KCNIP4: variants seen among roughly 807,000 people sequenced by gnomAD.
KCNIP4 encodes potassium voltage-gated channel interacting protein 4, also known as Kv channel-interacting protein 4.
KCNIP4 carries 12 observed loss-of-function variants against 34.0 expected under a neutral mutation model. The ratio of observed to expected loss-of-function variants is 0.35; its 90% CI spans 0.23 to 0.57. The LOEUF (loss-of-function observed/expected upper bound fraction) is 0.57, where lower values mean the gene tolerates loss of function less well. KCNIP4 is among the 20% of genes least tolerant of loss of function. The pLI is 0.83. For synonymous variants in KCNIP4, 124 were observed against 102.2 expected, an observed-to-expected ratio of 1.21 and a Z score of -1.29; for missense variants, 238 against 311.7, an observed-to-expected ratio of 0.76 and a Z score of 1.78.
At chr4:21,450,848 T>C (rs532444021) in intron 1 of KCNIP4, among the ~76,000 whole-genome samples, 2 of 152,244 alleles carry the variant, frequency 1.3e-5, no homozygotes, top group African/African-American at 4.8e-5. Flanking sequence ...CTTACAAATG[T>C]AAGTTATTTT....
intron 1 of KCNIP4, among the ~76,000 whole-genome samples, chr4:21,118,266 A>G (rs1288006904): frequency 1.3e-5 from 2 of 152,182 alleles, no homozygotes; most frequent in Non-Finnish European, 2.9e-5. Context: ...CAAACGGTCC[A>G]GGAAGCCAAA....
chr4:21,305,822 C>T (rs988444884), intron 1 of KCNIP4, among the ~76,000 whole-genome samples: 2 of 152,320 alleles, frequency 1.3e-5, no homozygotes, highest in East Asian at 1.9e-4. Context: ...CTGTCAAGCT[C>T]TTAAAACTCT....
intron 1 of KCNIP4, among the ~76,000 whole-genome samples, chr4:21,643,440 A>AT (rs1405459111): frequency 2.0e-5 from 3 of 152,148 alleles, no homozygotes; most frequent in Admixed American, 6.6e-5. Flanking sequence ...TTGGAGATTA[A>AT]TTTTGGTTTA....
At chr4:21,399,032 G>A (rs572490661) in intron 1 of KCNIP4, among the ~76,000 whole-genome samples, 2 of 152,354 alleles carry the variant, frequency 1.3e-5, no homozygotes, top group Non-Finnish European at 2.9e-5. Context: ...AACACATAGT[G>A]TGGCAAAAGG....
rs115355779 is a variant in KCNIP4, at chr4:21,707,779, T to C, written c.61+240792A>G. ...TGGATTCTGTGTCAGCATCCAGGAC[T>C]TCAAAAAAGGAAAGGTTGAGGGGTC... On this transcript the variant is annotated intron_variant, in intron 1 of 8. Coordinates refer to ENST00000382152, the MANE Select transcript of KCNIP4 (RefSeq NM_025221.6). Among the ~76,000 whole-genome samples, 1,346 of 152,124 alleles carry C rather than the reference T, an allele frequency of 8.8e-3. 19 individuals are homozygous for C. Among genetic ancestry groups the C allele is most frequent in the African/African-American group, 0.031 (1,286 of 41,524 alleles).
intron 1 of KCNIP4, among the ~76,000 whole-genome samples, chr4:21,106,044 G>T (rs1240631423): frequency 6.6e-6 from 1 of 151,544 alleles, no homozygotes; most frequent in African/African-American, 2.4e-5. Context: ...CAAGGATATT[G>T]GTCTAAAATT....
At chr4:21,134,621 T>C (rs551267097) in intron 1 of KCNIP4, among the ~76,000 whole-genome samples, 67 of 152,326 alleles carry the variant, frequency 4.4e-4, no homozygotes, top group African/African-American at 1.4e-3. Context: ...CATCCTGTTC[T>C]TGAAATTCTT....
intron 1 of KCNIP4, among the ~76,000 whole-genome samples, chr4:21,355,220 C>G (rs2109388547): frequency 6.6e-6 from 1 of 152,168 alleles, no homozygotes; most frequent in Middle Eastern, 3.4e-3. Flanking sequence ...AAATTGACAA[C>G]CTAACATCAC....
intron 1 of KCNIP4, among the ~76,000 whole-genome samples, chr4:21,250,217 TA>T (rs34472391): frequency 0.77 from 108,164 of 140,444 alleles, 41,811 homozygotes; most frequent in Middle Eastern, 0.9. Flanking sequence ...TTAGGACTGT[TA>T]AAAAAAAAAA....
chr4:21,908,901 C>A (rs995843496), intron 1 of KCNIP4, among the ~76,000 whole-genome samples: 1 of 152,080 alleles, frequency 6.6e-6, no homozygotes. Flanking sequence ...GCATCAAAGT[C>A]AACTATGTTA....
chr4:21,911,142 C>T (rs1038861068), intron 1 of KCNIP4, among the ~76,000 whole-genome samples: 11 of 151,870 alleles, frequency 7.2e-5, no homozygotes, highest in Admixed American at 1.3e-4. Context: ...ATCGAAAAGT[C>T]CTCTTTACAA....
intron 1 of KCNIP4, among the ~76,000 whole-genome samples, chr4:20,979,731 C>T (rs79118133): frequency 0.018 from 2,663 of 152,054 alleles, 81 homozygotes; most frequent in African/African-American, 0.061. Flanking sequence ...AACTCATCTT[C>T]ACCTACCCCC....
At chr4:20,863,825 C>G (rs572217405) in intron 2 of KCNIP4, among the ~76,000 whole-genome samples, 1 of 152,038 alleles carries the variant, frequency 6.6e-6, no homozygotes, top group East Asian at 1.9e-4. Context: ...TAATAACAAA[C>G]CTGCACATGC....
intron 1 of KCNIP4, among the ~76,000 whole-genome samples, chr4:21,387,618 G>A (rs886582907): frequency 1.3e-5 from 2 of 152,104 alleles, no homozygotes; most frequent in African/African-American, 2.4e-5. Flanking sequence ...GGCTCAGAAG[G>A]TGAACCAATA....
chr4:21,590,040 A>G (rs1339100387), intron 1 of KCNIP4, among the ~76,000 whole-genome samples: 4 of 152,012 alleles, frequency 2.6e-5, no homozygotes, highest in African/African-American at 9.7e-5. Flanking sequence ...GGAAAAGATT[A>G]CTATTAGCAT....
chr4:20,802,634 C>T (rs956626030), intron 3 of KCNIP4, among the ~76,000 whole-genome samples: 5 of 151,934 alleles, frequency 3.3e-5, no homozygotes, highest in Admixed American at 1.3e-4. Context: ...TTAAGAATAT[C>T]GAAATCATAC....
At position 21,256,044 on chromosome 4, in the gene KCNIP4, C is replaced by T. The variant is rs1223351383; in HGVS notation, c.62-373335G>A. Among the ~76,000 whole-genome samples, 6 of 140,918 alleles carry T rather than the reference C, an allele frequency of 4.3e-5. No homozygotes were observed. In the East Asian group the frequency reaches 1.0e-3, roughly 24 times the overall value. 92.4% of individuals were successfully genotyped at this position (140,918 alleles called of 152,430 possible). On this transcript the variant is annotated intron_variant, in intron 1 of 8. Coordinates refer to ENST00000382152, the MANE Select transcript of KCNIP4 (RefSeq NM_025221.6). ...TAGATAACATCAGGGAACATAAATG[C>T]TAGCAAGGTAAAAAAAAAAATTAGG...
chr4:21,050,836 A>G lies in KCNIP4; in HGVS notation c.62-168127T>C, dbSNP rs77560979. ...ATCAGAAGCATGCATCCAATTAAGA[A>G]GAATGTTATTGAATGATTTTCATTC... On this transcript the variant is annotated intron_variant, in intron 1 of 8. Transcript: ENST00000382152. Among the ~76,000 whole-genome samples the G allele has an allele frequency of 1.8e-3, 271 of 152,328 alleles. 1 individual carries two copies. Among genetic ancestry groups the G allele is most frequent in the African/African-American group, 6.1e-3 (252 of 41,568 alleles).
chr4:21,446,169 G>A (rs1358028659), intron 1 of KCNIP4, among the ~76,000 whole-genome samples: 40 of 152,164 alleles, frequency 2.6e-4, no homozygotes, highest in African/African-American at 9.4e-4. Flanking sequence ...CTTTTATGCT[G>A]TTGGTGGGAC....
Sources: allele counts gnomAD v4.1 joint callset (sites outside exome capture counted in the v4.1 genomes callset), GRCh38; gene constraint gnomAD v4.1.1; transcripts MANE v1.5; gene names NCBI Gene and HGNC (gene_info 2026-07-23, HGNC 2026-07-21).